The following MAML2 variants were observed in gnomAD, a reference collection of about 807,000 sequenced individuals.
MAML2 encodes the protein mastermind like transcriptional coactivator 2, also known as mastermind-like protein 2.
A neutral mutation model predicts 96.1 loss-of-function variants in MAML2; 22 were observed. The observed-to-expected ratio is 0.23, with a 90% CI of 0.16 to 0.33. MAML2 has a LOEUF of 0.33. Ranked by LOEUF, MAML2 falls within the 10% of genes least tolerant of loss-of-function variation. The probability of loss-of-function intolerance (pLI) is 1.00; values close to 1 mark genes in which losing one functional copy is unlikely to be tolerated. For missense variants in MAML2, 1,367 were observed against 1,392.4 expected (o/e 0.98, Z 0.29); for synonymous variants, 561 against 521.3 (o/e 1.08, Z -1.04).
intron 1 of MAML2, among the ~76,000 whole-genome samples, chr11:96,134,515 A>G (rs779121253): frequency 5.3e-5 from 8 of 152,238 alleles, no homozygotes; most frequent in Admixed American, 6.5e-5. Context: ...TGCTTCCCAT[A>G]TATTTGAAGG....
chr11:96,255,714 G>C (rs1862655385), intron 1 of MAML2, among the ~76,000 whole-genome samples: 1 of 152,102 alleles, frequency 6.6e-6, no homozygotes, highest in Non-Finnish European at 1.5e-5. Context: ...TTCCAGATGA[G>C]GGAATGACAA....
chr11:96,298,130 C>G (rs1306902813), intron 1 of MAML2, among the ~76,000 whole-genome samples: 1 of 152,184 alleles, frequency 6.6e-6, no homozygotes, highest in Non-Finnish European at 1.5e-5. Flanking sequence ...GTTTTTTCTT[C>G]CCAAGTCTGC....
chr11:96,001,639 C>G (rs76912135), intron 2 of MAML2, among the ~76,000 whole-genome samples: 3 of 152,232 alleles, frequency 2.0e-5, no homozygotes, highest in East Asian at 1.9e-4. Context: ...CTCAACCCCC[C>G]CTCACTCCCC....
intron 1 of MAML2, among the ~76,000 whole-genome samples, chr11:96,174,892 ATCTTCTTG>A (rs1396285994): frequency 6.6e-6 from 1 of 152,234 alleles, no homozygotes; most frequent in African/African-American, 2.4e-5. Context: ...TTTAAGGGAC[ATCTTCTTG>A]TCTTGGCCTT....
chr11:96,228,548 A>G (rs1862246478), intron 1 of MAML2, among the ~76,000 whole-genome samples: 1 of 152,242 alleles, frequency 6.6e-6, no homozygotes, highest in Non-Finnish European at 1.5e-5. Flanking sequence ...GGCTAAAAAT[A>G]AACAAATAAA....
chr11:96,144,244 T>G (rs1382157277), intron 1 of MAML2, among the ~76,000 whole-genome samples: 1 of 152,206 alleles, frequency 6.6e-6, no homozygotes, highest in Non-Finnish European at 1.5e-5. Context: ...TAACATTAAT[T>G]AGAGTCTCAA....
At chr11:96,046,528 ATAGACT>A in intron 2 of MAML2, among the ~76,000 whole-genome samples, 1 of 152,292 alleles carries the variant, frequency 6.6e-6, no homozygotes, top group East Asian at 1.9e-4. Flanking sequence ...CCTATACCAA[ATAGACT>A]TAGATGATAG....
rs150833290 is a variant in MAML2, at chr11:96,172,202, T to G, written c.514-78685A>C. 5.9e-3 allele frequency among the ~76,000 whole-genome samples: 903 copies of G among 152,370 alleles called. 40 individuals are homozygous for G. Among genetic ancestry groups the G allele is most frequent in the Admixed American group, 0.051 (786 of 15,306 alleles). On this transcript the variant is annotated intron_variant, in intron 1 of 4. Coordinates refer to ENST00000524717, the MANE Select transcript of MAML2 (RefSeq NM_032427.4). ...TTTTTTGAATGAATACATGAATGCT[T>G]AAAACCTCATTGCAGGCCATTCTCC...
At chr11:96,013,344 G>C (rs1472815731) in intron 2 of MAML2, among the ~76,000 whole-genome samples, 1 of 152,160 alleles carries the variant, frequency 6.6e-6, no homozygotes, top group Non-Finnish European at 1.5e-5. Flanking sequence ...TCATGTAGTA[G>C]ATTATAACTA....
chr11:96,112,254 A>T (rs1252048412), intron 1 of MAML2, among the ~76,000 whole-genome samples: 1 of 152,250 alleles, frequency 6.6e-6, no homozygotes, highest in Non-Finnish European at 1.5e-5. Context: ...GGCCTTGAAG[A>T]AAGCAATTAA....
intron 1 of MAML2, among the ~76,000 whole-genome samples, chr11:96,183,404 C>G (rs574504015): frequency 6.4e-4 from 8 of 12,588 alleles, no homozygotes; most frequent in East Asian, 3.1e-3. Flanking sequence ...CCCCCCCCCC[C>G]CTTTCTTTTG....
chr11:96,109,884 A>G (rs192476346), intron 1 of MAML2, among the ~76,000 whole-genome samples: 231 of 152,338 alleles, frequency 1.5e-3, no homozygotes, highest in African/African-American at 5.0e-3. Context: ...GCATTGGTTG[A>G]AGGAATGAAT....
chr11:96,140,264 T>A (rs1157668090), intron 1 of MAML2, among the ~76,000 whole-genome samples: 1 of 152,258 alleles, frequency 6.6e-6, no homozygotes, highest in Non-Finnish European at 1.5e-5. Context: ...CATTTTCACC[T>A]TCTTGCTTTG....
At chr11:96,231,363 G>T (rs1033267132) in intron 1 of MAML2, among the ~76,000 whole-genome samples, 1 of 152,182 alleles carries the variant, frequency 6.6e-6, no homozygotes, top group Non-Finnish European at 1.5e-5. Context: ...TACAGTAGAT[G>T]CTAAATATGC....
At chr11:96,109,238 G>A (rs80079740) in intron 1 of MAML2, among the ~76,000 whole-genome samples, 7,110 of 152,160 alleles carry the variant, frequency 0.047, 203 homozygotes, top group Middle Eastern at 0.12. Flanking sequence ...GCAGGCCTGG[G>A]AAGAATGGGT....
intron 1 of MAML2, among the ~76,000 whole-genome samples, chr11:96,261,077 C>T (rs543184649): frequency 3.3e-5 from 5 of 152,270 alleles, no homozygotes; most frequent in African/African-American, 1.2e-4. Context: ...GGAACTTAAT[C>T]TCCAATCTGG....
rs752820233 is a variant in MAML2, at chr11:96,092,708, A to G, written c.1323T>C (p.Ala441=). The change falls in exon 2 of 5, where the codon GCT becomes GCC. Residue 441 remains alanine (A), a synonymous_variant. Coordinates refer to ENST00000524717, the MANE Select transcript of MAML2 (RefSeq NM_032427.4). This position sits in a 1 kb window ranked among gnomAD's most constrained non-coding sequence, Gnocchi z 4.1. ...SHAQQLKQIA[A]NRQQHARMQQ... is the part of the protein sequence containing the mutation. ...GCATCCGGGCATGCTGCTGACGATTAGCAGCTATCTGTTTGAGCTGCTGGG... is the reference window on the plus strand; with the variant it reads ...GCATCCGGGCATGCTGCTGACGATTGGCAGCTATCTGTTTGAGCTGCTGGG... The G allele has an allele frequency of 1.6e-5, 26 of 1,613,878 alleles. No homozygotes were observed. The highest frequency in any genetic ancestry group is 1.6e-4 in the Middle Eastern group (1 of 6,084).
chr11:96,209,966 C>G (rs891957843), intron 1 of MAML2, among the ~76,000 whole-genome samples: 1 of 152,138 alleles, frequency 6.6e-6, no homozygotes, highest in African/African-American at 2.4e-5. Context: ...GATAGAAAAG[C>G]AGACTTTAAA....
At chr11:96,087,885 T>C (rs1285494707) in intron 2 of MAML2, among the ~76,000 whole-genome samples, 3 of 152,312 alleles carry the variant, frequency 2.0e-5, no homozygotes, top group East Asian at 3.9e-4. Flanking sequence ...GGAAAAGGCG[T>C]TTCCAGCTGA....
Sources: gnomAD v4.1 joint callset for allele counts (sites outside exome capture counted in the v4.1 genomes callset) on GRCh38, gnomAD v4.1.1 for gene constraint, Gnocchi (gnomAD v3.1) non-coding constraint, MANE v1.5 for transcripts, NCBI Gene and HGNC (gene_info 2026-07-23, HGNC 2026-07-21) for gene names.